The following KPNA6 variants were observed in gnomAD, a reference collection of about 807,000 sequenced individuals.
KPNA6 encodes the protein karyopherin subunit alpha 6.
A neutral mutation model predicts 72.0 loss-of-function variants in KPNA6; 9 were observed. The ratio of observed to expected loss-of-function variants is 0.13; its 90% CI spans 0.08 to 0.22. KPNA6 has a LOEUF of 0.22. Ranked by LOEUF, KPNA6 falls within the 10% of genes least tolerant of loss-of-function variation. The pLI, the probability that KPNA6 is intolerant of heterozygous loss-of-function variation, is 1.00. For missense variants in KPNA6, 374 were observed against 655.7 expected, an observed-to-expected ratio of 0.57 and a Z score of 4.69; for synonymous variants, 219 against 242.1, an observed-to-expected ratio of 0.90 and a Z score of 0.89.
At chr1:32,151,467 A>C (rs1642031079) in intron 1 of KPNA6, among the ~76,000 whole-genome samples, 1 of 152,122 alleles carries the variant, frequency 6.6e-6, no homozygotes, top group South Asian at 2.1e-4. Flanking sequence ...TTCAGCAAAG[A>C]TTTAGGGAAC....
intron 1 of KPNA6, among the ~76,000 whole-genome samples, chr1:32,124,837 T>C (rs1021234458): frequency 1.3e-5 from 2 of 149,780 alleles, no homozygotes; most frequent in Non-Finnish European, 3.0e-5. Context: ...GCTGTTTGCG[T>C]TTAACTTATT....
chr1:32,153,070 A>G (rs1285665366), intron 1 of KPNA6, among the ~76,000 whole-genome samples: 1 of 151,462 alleles, frequency 6.6e-6, no homozygotes, highest in Non-Finnish European at 1.5e-5. Context: ...ACTTAGATAT[A>G]CAACTTAAAT....
chr1:32,127,319 A>T (rs1450744643), intron 1 of KPNA6, among the ~76,000 whole-genome samples: 1 of 152,152 alleles, frequency 6.6e-6, no homozygotes, highest in Non-Finnish European at 1.5e-5. Context: ...TGTTCATGGC[A>T]TGTCTTCTGG....
At chr1:32,111,818 G>A (rs1043675651) in intron 1 of KPNA6, among the ~76,000 whole-genome samples, 13 of 152,128 alleles carry the variant, frequency 8.5e-5, no homozygotes, top group African/African-American at 2.9e-4. Flanking sequence ...ACAGACCTTT[G>A]CAGTGATTTC....
intron 1 of KPNA6, among the ~76,000 whole-genome samples, chr1:32,130,531 A>G (rs1314324990): frequency 6.6e-6 from 1 of 152,128 alleles, no homozygotes; most frequent in East Asian, 1.9e-4. Context: ...CATGCCTGTA[A>G]TCCCAGCACT....
intron 10 of KPNA6, among the ~76,000 whole-genome samples, chr1:32,163,649 A>T (rs1642282174): frequency 6.6e-6 from 1 of 152,152 alleles, no homozygotes; most frequent in Admixed American, 6.5e-5. Context: ...AAAGCTATGG[A>T]ACTCCACCCC....
intron 11 of KPNA6, 116 bp downstream of exon 11, chr1:32,166,346 G>A: frequency 7.9e-7 from 1 of 1,271,614 alleles, no homozygotes; most frequent in Non-Finnish European, 1.1e-6. Context: ...GAGTCAATTG[G>A]CCAGGCACGG....
At chr1:32,138,993 T>C (rs1467858938) in intron 1 of KPNA6, among the ~76,000 whole-genome samples, 1 of 152,194 alleles carries the variant, frequency 6.6e-6, no homozygotes, top group Non-Finnish European at 1.5e-5. Flanking sequence ...AGTCTGCTTT[T>C]GGAGGGTCTG....
chr1:32,127,165 A>C (rs991208611), intron 1 of KPNA6, among the ~76,000 whole-genome samples: 2 of 152,328 alleles, frequency 1.3e-5, no homozygotes, highest in African/African-American at 4.8e-5. Context: ...AGAGAGGCAG[A>C]AGCAAGACTA....
chr1:32,123,309 C>T (rs1641470831), intron 1 of KPNA6, among the ~76,000 whole-genome samples: 2 of 152,086 alleles, frequency 1.3e-5, no homozygotes, highest in African/African-American at 2.4e-5. Flanking sequence ...ACTTTTTAGA[C>T]CTTTTTTTCC....
At chr1:32,147,987 A>G (rs1479838376) in intron 1 of KPNA6, among the ~76,000 whole-genome samples, 1 of 152,180 alleles carries the variant, frequency 6.6e-6, no homozygotes, top group Non-Finnish European at 1.5e-5. Flanking sequence ...ATTTCGAATG[A>G]GAAATCACCT....
intron 6 of KPNA6, among the ~76,000 whole-genome samples, chr1:32,160,398 GTCT>G (rs1570062731): frequency 6.6e-6 from 1 of 152,160 alleles, no homozygotes; most frequent in East Asian, 1.9e-4. Context: ...ATGGCAGCCT[GTCT>G]TTCCCTGCTG....
chr1:32,141,451 G>A (rs1171879939), intron 1 of KPNA6, among the ~76,000 whole-genome samples: 2 of 125,400 alleles, frequency 1.6e-5, no homozygotes, highest in African/African-American at 6.2e-5. Context: ...AGGCTGGAGT[G>A]CAGTGGCGCG....
In KPNA6 at chr1:32,171,231, T is replaced by G. The variant is rs1283309729; in HGVS notation, c.*337T>G. The G allele has an allele frequency of 4.5e-6, 1 of 222,222 alleles. No individual in the cohort carries two copies. The highest frequency in any genetic ancestry group is 8.9e-6 in the Non-Finnish European group (1 of 112,186). 13.8% of individuals were successfully genotyped at this position (222,222 alleles called of 1,614,324 possible). ...GGTAATCAATTTGCACCTTTTTTTA[T>G]TTTTATTTTTTTTCTTTTTTTCTTC... On this transcript the variant is annotated 3_prime_UTR_variant, in exon 14 of 14. Transcript: ENST00000373625.
At chr1:32,117,696 A>T (rs1641353162) in intron 1 of KPNA6, among the ~76,000 whole-genome samples, 1 of 152,236 alleles carries the variant, frequency 6.6e-6, no homozygotes, top group East Asian at 1.9e-4. Flanking sequence ...ATATGCCTGT[A>T]CTTTATATAT....
intron 1 of KPNA6, among the ~76,000 whole-genome samples, chr1:32,148,196 C>G (rs1020742574): frequency 5.9e-5 from 9 of 152,006 alleles, no homozygotes; most frequent in African/African-American, 2.2e-4. Flanking sequence ...TCTCTGCCTC[C>G]CAGGTTCAAG....
chr1:32,138,967 TAAG>T (rs902454430), intron 1 of KPNA6, among the ~76,000 whole-genome samples: 142 of 152,286 alleles, frequency 9.3e-4, no homozygotes, highest in African/African-American at 3.2e-3. Flanking sequence ...GGGTTTTTAG[TAAG>T]AAATTCTTCT....
At chr1:32,114,451 A>AAATATATAT (rs982175711) in intron 1 of KPNA6, among the ~76,000 whole-genome samples, 16 of 145,524 alleles carry the variant, frequency 1.1e-4, no homozygotes, top group African/African-American at 4.0e-4. Flanking sequence ...CAAAAAAAAA[A>AAATATATAT]ATATATATAT....
intron 1 of KPNA6, 39 bp from the exon 2 acceptor site, chr1:32,154,549 C>G (rs1457733952): frequency 6.2e-7 from 1 of 1,602,664 alleles, no homozygotes; most frequent in Non-Finnish European, 8.5e-7. Context: ...AAATGCTGTC[C>G]TCTCAAGAGT....
Sources: gnomAD v4.1 joint callset for allele counts (sites outside exome capture counted in the v4.1 genomes callset) on GRCh38, gnomAD v4.1.1 for gene constraint, MANE v1.5 for transcripts, NCBI Gene and HGNC (gene_info 2026-07-23, HGNC 2026-07-21) for gene names.